Variants in TMEM108 observed in about 807,000 individuals in gnomAD.
TMEM108 encodes the protein transmembrane protein 108, also known as cancer/testis antigen 124.
In TMEM108, 12 loss-of-function variants were observed where a neutral mutation model predicts 35.1. That is an observed-to-expected ratio of 0.34 (90% confidence interval 0.22 to 0.55). The LOEUF (loss-of-function observed/expected upper bound fraction) is 0.55, where lower values mean the gene tolerates loss of function less well. Ranked by LOEUF, TMEM108 falls within the 20% of genes least tolerant of loss-of-function variation. TMEM108 has a pLI of 0.89. For synonymous variants in TMEM108, 287 were observed against 308.6 expected (o/e 0.93, Z 0.73); for missense variants, 680 against 753.3 (o/e 0.90, Z 1.14).
intron 2 of TMEM108, among the ~76,000 whole-genome samples, chr3:133,227,746 T>C (rs1946095342): frequency 6.6e-6 from 1 of 151,558 alleles, no homozygotes; most frequent in African/African-American, 2.4e-5. Flanking sequence ...AATACAAAAA[T>C]TAGCTGGATG....
At chr3:133,101,311 C>T (rs1417016503) in intron 2 of TMEM108, among the ~76,000 whole-genome samples, 1 of 152,230 alleles carries the variant, frequency 6.6e-6, no homozygotes, top group Admixed American at 6.5e-5. Flanking sequence ...ATGTTCCCTT[C>T]ATCACCCCTG....
intron 2 of TMEM108, among the ~76,000 whole-genome samples, chr3:133,086,780 C>T (rs1943888265): frequency 6.6e-6 from 1 of 152,164 alleles, no homozygotes; most frequent in Non-Finnish European, 1.5e-5. Flanking sequence ...ACCTTGTTAG[C>T]AGAAGGTAGA....
chr3:133,132,464 A>G (rs1944503503), intron 2 of TMEM108, among the ~76,000 whole-genome samples: 1 of 152,170 alleles, frequency 6.6e-6, no homozygotes, highest in Non-Finnish European at 1.5e-5. Flanking sequence ...CTGGATGACA[A>G]CACATCTGTT....
chr3:133,229,416 C>G lies in TMEM108; in HGVS notation c.40+65C>G, dbSNP rs78372024. 1.9e-4 allele frequency: 297 copies of G among 1,538,680 alleles called. No individual in the cohort carries two copies. The African/African-American group carries it at 3.1e-3, about 16-fold the overall frequency. The stretch of plus-strand genomic sequence containing the variant: ...AATGTTATTATTTGCTGGGTACCCA[C>G]AACTTACTTTTTGGACGGAGACCAG... On this transcript the variant is annotated intron_variant, in intron 3 of 5. Coordinates refer to ENST00000321871, the MANE Select transcript of TMEM108 (RefSeq NM_023943.4).
At chr3:133,039,097 T>A (rs1440112259) in intron 1 of TMEM108, among the ~76,000 whole-genome samples, 2 of 152,070 alleles carry the variant, frequency 1.3e-5, no homozygotes, top group Admixed American at 6.5e-5. Context: ...AGGGGCTATT[T>A]TTTTTTTTAA....
intron 2 of TMEM108, among the ~76,000 whole-genome samples, chr3:133,192,111 T>A (rs537939489): frequency 6.6e-6 from 1 of 152,210 alleles, no homozygotes; most frequent in South Asian, 2.1e-4. Context: ...TCTGACAGCT[T>A]GAAGAACCAG....
In TMEM108 at chr3:133,366,958, G is replaced by A. The variant is rs528306452; in HGVS notation, c.41-12794G>A. On this transcript the variant is annotated intron_variant, in intron 3 of 5. Transcript: ENST00000321871. Reference sequence around the variant, plus strand: ...ACATACAGAGGAGTCCAGTGGTGATGAGCTGGATAGAACTGCATCTGCTGG... The same window carrying A: ...ACATACAGAGGAGTCCAGTGGTGATAAGCTGGATAGAACTGCATCTGCTGG... Among the ~76,000 whole-genome samples the A allele has an allele frequency of 5.3e-5, 8 of 152,350 alleles. No individual in the cohort carries two copies. The South Asian group carries it at 1.2e-3, about 24-fold the overall frequency.
At chr3:133,067,020 GT>G (rs1403405743) in intron 2 of TMEM108, among the ~76,000 whole-genome samples, 3 of 152,122 alleles carry the variant, frequency 2.0e-5, no homozygotes, top group African/African-American at 7.2e-5. Flanking sequence ...GGGTAAACAT[GT>G]ACTACTTATC....
At chr3:133,327,759 G>A (rs914318661) in intron 3 of TMEM108, among the ~76,000 whole-genome samples, 1 of 152,126 alleles carries the variant, frequency 6.6e-6, no homozygotes, top group Non-Finnish European at 1.5e-5. Context: ...CATTTCTGTG[G>A]ATGGGCGGCA....
At chr3:133,257,391 G>A (rs554081771) in intron 3 of TMEM108, among the ~76,000 whole-genome samples, 2 of 152,290 alleles carry the variant, frequency 1.3e-5, no homozygotes, top group East Asian at 3.9e-4. Flanking sequence ...GCCAGTCTCT[G>A]AGTAGTTACA....
At chr3:133,184,979 G>A in intron 2 of TMEM108, among the ~76,000 whole-genome samples, 1 of 152,192 alleles carries the variant, frequency 6.6e-6, no homozygotes, top group East Asian at 1.9e-4. Context: ...CATATATTCT[G>A]TAATAAATTA....
intron 3 of TMEM108, among the ~76,000 whole-genome samples, chr3:133,370,145 C>CTTTTTT (rs3054623): frequency 7.9e-6 from 1 of 126,836 alleles, no homozygotes; most frequent in Non-Finnish European, 1.6e-5. Context: ...TTCAGACTCC[C>CTTTTTT]TTTTTTTTTT....
At chr3:133,047,350 G>A (rs1010427683) in intron 2 of TMEM108, among the ~76,000 whole-genome samples, 1 of 152,132 alleles carries the variant, frequency 6.6e-6, no homozygotes, top group African/African-American at 2.4e-5. Flanking sequence ...TAACTAAAAA[G>A]TATAGCATGT....
At chr3:133,317,209 G>A (rs1306728946) in intron 3 of TMEM108, among the ~76,000 whole-genome samples, 1 of 152,118 alleles carries the variant, frequency 6.6e-6, no homozygotes, top group Non-Finnish European at 1.5e-5. Flanking sequence ...GACGTTGAAA[G>A]GGATTTGTAT....
chr3:133,138,966 T>TC (rs1451061539), intron 2 of TMEM108, among the ~76,000 whole-genome samples: 29 of 151,628 alleles, frequency 1.9e-4, no homozygotes, highest in African/African-American at 7.0e-4. Flanking sequence ...CCTCCCTGTG[T>TC]CCAAATGTTC....
chr3:133,204,973 A>G (rs1945730097), intron 2 of TMEM108, among the ~76,000 whole-genome samples: 1 of 152,188 alleles, frequency 6.6e-6, no homozygotes, highest in African/African-American at 2.4e-5. Flanking sequence ...TACTTTATGA[A>G]TCTGGGTGCT....
At chr3:133,172,583 C>A (rs758576538) in intron 2 of TMEM108, among the ~76,000 whole-genome samples, 5 of 152,078 alleles carry the variant, frequency 3.3e-5, no homozygotes, top group Non-Finnish European at 7.4e-5. Context: ...CTTTTTAAAA[C>A]TTTATTTCAA....
chr3:133,386,797 A>G, intron 4 of TMEM108: 1 of 834,354 alleles, frequency 1.2e-6, no homozygotes, highest in African/African-American at 1.8e-5. Context: ...ACAATACAGG[A>G]TAGTGGATAT....
chr3:133,376,984 C>T (rs1055115676), intron 3 of TMEM108, among the ~76,000 whole-genome samples: 1 of 152,144 alleles, frequency 6.6e-6, no homozygotes, highest in Non-Finnish European at 1.5e-5. Context: ...AGTCCTCTCT[C>T]CTTGGCTTGC....
Sources: allele counts gnomAD v4.1 joint callset (sites outside exome capture counted in the v4.1 genomes callset), GRCh38; gene constraint gnomAD v4.1.1; transcripts MANE v1.5; gene names NCBI Gene and HGNC (gene_info 2026-07-23, HGNC 2026-07-21).